IKZF1: variants seen among roughly 807,000 people sequenced by gnomAD.
The protein encoded by IKZF1 is IKAROS family zinc finger 1.
A neutral mutation model predicts 51.7 loss-of-function variants in IKZF1; 10 were observed. The ratio of observed to expected loss-of-function variants is 0.19; its 90% CI spans 0.12 to 0.33. IKZF1 has a LOEUF of 0.33. Ranked by LOEUF, IKZF1 falls within the 10% of genes least tolerant of loss-of-function variation. The pLI, the probability that IKZF1 is intolerant of heterozygous loss-of-function variation, is 1.00. For synonymous variants in IKZF1, 280 were observed against 282.3 expected (o/e 0.99, Z 0.08); for missense variants, 484 against 707.5 (o/e 0.68, Z 3.58).
Position 50,403,903 on chromosome 7 carries a change from T to C in IKZF1, c.*3276T>C, listed in dbSNP as rs1053186378. ...ACAAACGCGAGATGAACTGGACTTA[T>C]GTAGACAAATCGTGATGCCAGTGTA... On this transcript the variant is annotated 3_prime_UTR_variant, in exon 8 of 8. Transcript: ENST00000331340. 7 of 218,130 alleles carry C rather than the reference T, an allele frequency of 3.2e-5. No homozygotes were observed. The highest frequency in any genetic ancestry group is 1.4e-3 in the Middle Eastern group (1 of 710). The allele number at this position is 218,130 out of a possible 1,614,324, so 13.5% of individuals were successfully genotyped here. A position where few individuals can be genotyped will look rare whatever the true frequency, so the allele number is the denominator to read the frequency against.
At position 50,382,560 on chromosome 7, in the gene IKZF1, A is replaced by G; in HGVS notation, c.442A>G (p.Asn148Asp). The change falls in exon 5 of 8, where the codon AAT becomes GAT. Residue 148 changes from asparagine (N) to aspartate (D), a missense_variant. Transcript: ENST00000331340. ...CCCAGGAGAACGGCCCTTCCAGTGC[A>G]ATCAGTGCGGGGCCTCATTCACCCA... ...SHTGERPFQC[N>D]QCGASFTQKG... The G allele has an allele frequency of 1.2e-6, 2 of 1,613,592 alleles. No individual in the cohort carries two copies. Among genetic ancestry groups the G allele is most frequent in the East Asian group, 2.2e-5 (1 of 44,868 alleles).
At chr7:50,334,387 GGT>G (rs1262248240) in intron 3 of IKZF1, among the ~76,000 whole-genome samples, 4 of 152,068 alleles carry the variant, frequency 2.6e-5, no homozygotes, top group Admixed American at 2.0e-4. Context: ...GGGTATATGT[GGT>G]GTGTGATGTA....
intron 3 of IKZF1, among the ~76,000 whole-genome samples, chr7:50,359,976 C>A (rs963281894): frequency 1.2e-4 from 19 of 152,326 alleles, no homozygotes; most frequent in African/African-American, 4.3e-4. Flanking sequence ...GAGTATTACA[C>A]AAATACCCCT....
At chr7:50,313,340 A>C (rs1457960431) in intron 1 of IKZF1, among the ~76,000 whole-genome samples, 2 of 152,184 alleles carry the variant, frequency 1.3e-5, no homozygotes, top group Non-Finnish European at 2.9e-5. Context: ...TTGAGTATTT[A>C]AGGAAATAAC....
intron 7 of IKZF1, among the ~76,000 whole-genome samples, chr7:50,394,943 A>T (rs1294957539): frequency 1.3e-5 from 2 of 152,174 alleles, no homozygotes; most frequent in African/African-American, 2.4e-5. Flanking sequence ...CTGGTGTTTG[A>T]CTTGGGAACG....
chr7:50,313,590 T>G (rs1370230683), intron 1 of IKZF1, among the ~76,000 whole-genome samples: 1 of 152,176 alleles, frequency 6.6e-6, no homozygotes, highest in Admixed American at 6.5e-5. Context: ...TGGGCAAGAG[T>G]GCTAGGGAGA....
upstream of IKZF1, among the ~76,000 whole-genome samples, chr7:50,303,670 C>G (rs1365625133): frequency 6.6e-6 from 1 of 152,070 alleles, no homozygotes; most frequent in Admixed American, 6.5e-5. The surrounding 1 kb of genome is among the most constrained non-coding windows in gnomAD (Gnocchi z 4.7). Flanking sequence ...CCAAGGGGCC[C>G]CAGTTCCAGG....
intron 4 of IKZF1, among the ~76,000 whole-genome samples, chr7:50,381,721 A>G (rs1562872668): frequency 6.6e-6 from 1 of 152,258 alleles, no homozygotes; most frequent in Non-Finnish European, 1.5e-5. Context: ...TTCTATGGAT[A>G]TAGACAAATA....
At chr7:50,336,753 C>T (rs1264887603) in intron 3 of IKZF1, among the ~76,000 whole-genome samples, 1 of 152,156 alleles carries the variant, frequency 6.6e-6, no homozygotes. Context: ...GGGAACTGTA[C>T]CCAGAGTAGG....
chr7:50,313,098 A>C (rs568171915), intron 1 of IKZF1, among the ~76,000 whole-genome samples: 46 of 152,390 alleles, frequency 3.0e-4, no homozygotes, highest in African/African-American at 1.1e-3. Context: ...AAGACTTTGC[A>C]CATTGCCTTA....
Position 50,368,536 on chromosome 7 carries a change from G to A in IKZF1, c.161-7997G>A, listed in dbSNP as rs551889989. 7.4e-4 allele frequency: 428 copies of A among 576,270 alleles called. 2 individuals carry two copies. Among genetic ancestry groups the A allele is most frequent in the Admixed American group, 1.2e-3 (38 of 30,652 alleles). The allele number at this position is 576,270 out of a possible 1,614,324, so 35.7% of individuals were successfully genotyped here. ...ATTTCAGAACTGAGAAGAGAAAATT[G>A]CAGGCCTCCAGGCCGTTATTCTGTG... On this transcript the variant is annotated intron_variant, in intron 3 of 7. Coordinates refer to ENST00000331340, the MANE Select transcript of IKZF1 (RefSeq NM_006060.6).
At chr7:50,339,217 G>GTGTGTA (rs1466219637) in intron 3 of IKZF1, among the ~76,000 whole-genome samples, 2 of 129,794 alleles carry the variant, frequency 1.5e-5, no homozygotes, top group Admixed American at 7.3e-5. Context: ...GGGTAGGGTT[G>GTGTGTA]TGTGTGTGTG....
At chr7:50,383,447 G>A (rs902467868) in intron 5 of IKZF1, among the ~76,000 whole-genome samples, 5 of 152,190 alleles carry the variant, frequency 3.3e-5, no homozygotes, top group South Asian at 2.1e-4. Flanking sequence ...AATGGTCCTG[G>A]GTGTTTCATT....
intron 7 of IKZF1, among the ~76,000 whole-genome samples, chr7:50,392,299 A>G (rs551195637): frequency 1.3e-5 from 2 of 152,300 alleles, no homozygotes; most frequent in East Asian, 3.9e-4. Context: ...GGTTAATGGG[A>G]GGAATCATAC....
chr7:50,318,194 C>T (rs1165237298), intron 1 of IKZF1, among the ~76,000 whole-genome samples: 1 of 152,202 alleles, frequency 6.6e-6, no homozygotes, highest in Non-Finnish European at 1.5e-5. Flanking sequence ...TTCTACTCCA[C>T]TGATGCTGGG....
At chr7:50,305,760 G>T (rs1227164436) in intron 1 of IKZF1, among the ~76,000 whole-genome samples, 1 of 152,134 alleles carries the variant, frequency 6.6e-6, no homozygotes, top group African/African-American at 2.4e-5. Context: ...CAGACAAAAT[G>T]GTGTTGAGGA....
chr7:50,352,350 A>C (rs916092668), intron 3 of IKZF1, among the ~76,000 whole-genome samples: 2 of 152,238 alleles, frequency 1.3e-5, no homozygotes, highest in African/African-American at 4.8e-5. Flanking sequence ...ACAATAAGAA[A>C]GAACCATTTA....
intron 3 of IKZF1, among the ~76,000 whole-genome samples, chr7:50,365,043 A>T (rs539003282): frequency 2.6e-5 from 4 of 152,334 alleles, no homozygotes; most frequent in Admixed American, 1.3e-4. Context: ...GTGTCCCTGT[A>T]TGTGCAGCTG....
chr7:50,350,197 A>G (rs1801488926), intron 3 of IKZF1, among the ~76,000 whole-genome samples: 1 of 152,178 alleles, frequency 6.6e-6, no homozygotes, highest in Non-Finnish European at 1.5e-5. Flanking sequence ...TTGATGCTGT[A>G]TCCTTGAAGG....
Sources: allele counts gnomAD v4.1 joint callset (sites outside exome capture counted in the v4.1 genomes callset), GRCh38; gene constraint gnomAD v4.1.1; non-coding constraint Gnocchi (gnomAD v3.1); transcripts MANE v1.5; gene names NCBI Gene and HGNC (gene_info 2026-07-23, HGNC 2026-07-21).